CPXM2: variants seen among roughly 807,000 people sequenced by gnomAD.
CPXM2 encodes inactive carboxypeptidase-like protein X2.
CPXM2 carries 66 observed loss-of-function variants against 86.1 expected under a neutral mutation model. That is an observed-to-expected ratio of 0.77 (90% confidence interval 0.63 to 0.94). The LOEUF is 0.94. Ranked by LOEUF, CPXM2 falls within the 40% of genes least tolerant of loss-of-function variation. CPXM2 has a pLI of 0.00. For synonymous variants in CPXM2, 388 were observed against 400.2 expected, an observed-to-expected ratio of 0.97 and a Z score of 0.36; for missense variants, 948 against 1,026.3, an observed-to-expected ratio of 0.92 and a Z score of 1.04.
rs190853785 is a variant in CPXM2 at position 123,828,417 on chromosome 10, G to A, written c.653+13932C>T. On this transcript the variant is annotated intron_variant, in intron 4 of 13. Transcript: ENST00000241305. ...TTCCCATGTGTCATGAGAGGGACCT[G>A]GTGGGACGTAATTGAATCATAGGGG... Among the ~76,000 whole-genome samples the A allele has an allele frequency of 2.4e-3, 369 of 152,284 alleles. 1 individual carries two copies. Among genetic ancestry groups the A allele is most frequent in the African/African-American group, 8.2e-3 (340 of 41,546 alleles).
chr10:123,859,739 C>T (rs943666030), intron 3 of CPXM2, among the ~76,000 whole-genome samples: 11 of 152,348 alleles, frequency 7.2e-5, no homozygotes, highest in African/African-American at 2.2e-4. Flanking sequence ...TCCCCATGCA[C>T]GGCCTCCTTT....
rs1379993891 is a variant in CPXM2, at chr10:123,891,613, A to G, written c.47T>C (p.Leu16Pro). 6.6e-7 allele frequency: 1 copy of G among 1,504,310 alleles called. No individual in the cohort carries two copies. Among genetic ancestry groups the G allele is most frequent in the Admixed American group, 2.2e-5 (1 of 44,548 alleles). 93.2% of individuals were successfully genotyped at this position (1,504,310 alleles called of 1,614,324 possible). ...TCCGACCCCGGCCAGGGTCACTGCC[A>G]GGAGCACCAGGGCCAGCGCTGGGGT... is the stretch of plus-strand genomic sequence containing the variant. ...TATPALALVLLAVTLAGVGAQ... is the reference protein window; with the variant it reads ...TATPALALVLPAVTLAGVGAQ... The change falls in exon 1 of 14, where the codon CTG becomes CCG. Residue 16 changes from leucine to proline, a missense_variant. By Grantham distance (98) the Leu-to-Pro change is moderately conservative. Coordinates refer to ENST00000241305, the MANE Select transcript of CPXM2 (RefSeq NM_198148.3). This position sits in a 1 kb window ranked among gnomAD's most constrained non-coding sequence, Gnocchi z 5.6.
intron 4 of CPXM2, among the ~76,000 whole-genome samples, chr10:123,829,272 GAAAGATA>G (rs1170449433): frequency 1.3e-5 from 2 of 152,148 alleles, no homozygotes; most frequent in Non-Finnish European, 2.9e-5. Context: ...ATTGCTGGTG[GAAAGATA>G]AAGTGAACAG....
At chr10:123,756,431 A>G (rs548220913) in intron 12 of CPXM2, among the ~76,000 whole-genome samples, 5 of 152,256 alleles carry the variant, frequency 3.3e-5, no homozygotes, top group African/African-American at 4.8e-5. Context: ...CAAGGTTCTC[A>G]GCGGAGGCAG....
chr10:123,913,899 G>C lies in CPXM2; in HGVS notation n.174+25578C>G, dbSNP rs141393566. 828 of 422,222 alleles carry C rather than the reference G, an allele frequency of 2.0e-3. 6 individuals are homozygous for C. The highest frequency in any genetic ancestry group is 7.1e-3 in the African/African-American group (350 of 49,482). The allele number at this position is 422,222 out of a possible 1,614,324, so 26.2% of individuals were successfully genotyped here. A position where few individuals can be genotyped will look rare whatever the true frequency, so the allele number is the denominator to read the frequency against. Reference sequence around the variant, plus strand: ...GGCACCCCCCTCCCAGGCTCTGGAAGCTGGAAGCTGCCCACAGCCTATGCA... The same window carrying C: ...GGCACCCCCCTCCCAGGCTCTGGAACCTGGAAGCTGCCCACAGCCTATGCA... On this transcript the variant is annotated intron_variant and non_coding_transcript_variant, in intron 2 of 19. Coordinates refer to the CPXM2 transcript ENST00000368854.
At chr10:123,869,874 C>A (rs1410488536) in intron 2 of CPXM2, among the ~76,000 whole-genome samples, 1 of 152,170 alleles carries the variant, frequency 6.6e-6, no homozygotes, top group Non-Finnish European at 1.5e-5. Flanking sequence ...ATCATGGAGG[C>A]CTTTGTGGCC....
rs376372536 is a variant in CPXM2 at position 123,771,009 on chromosome 10, T to C, written c.1009A>G (p.Asn337Asp). Residue 337 changes from asparagine to aspartate, a missense_variant, in exon 8 of 14, where the codon AAT (asparagine) becomes GAT (aspartate). Asn to Asp is a conservative substitution (Grantham distance 23). Coordinates refer to ENST00000241305, the MANE Select transcript of CPXM2 (RefSeq NM_198148.3). ...CCAATGTTGTAAATTCTGGTGATAT[T>C]GGGACACATTTCATTCACAACTTTC... is the stretch of plus-strand genomic sequence containing the variant. The part of the protein sequence containing the change: ...LMKVVNEMCP[N>D]ITRIYNIGKS... The C allele has an allele frequency of 4.8e-5, 78 of 1,613,364 alleles. No homozygotes were observed. Among genetic ancestry groups the C allele is most frequent in the Non-Finnish European group, 6.4e-5 (75 of 1,179,428 alleles).
chr10:123,897,225 T>C (rs180677252), intron 2 of CPXM2, among the ~76,000 whole-genome samples: 34 of 152,176 alleles, frequency 2.2e-4, no homozygotes, highest in Non-Finnish European at 4.0e-4. Context: ...TCAATATCAC[T>C]GTTTGTCTCC....
At chr10:123,830,981 C>G (rs897463344) in intron 4 of CPXM2, among the ~76,000 whole-genome samples, 1 of 151,632 alleles carries the variant, frequency 6.6e-6, no homozygotes. Context: ...CTCAGTACAG[C>G]CAAATGTGGG....
intron 2 of CPXM2, among the ~76,000 whole-genome samples, chr10:123,912,967 C>A (rs569450065): frequency 6.6e-6 from 1 of 152,230 alleles, no homozygotes; most frequent in Non-Finnish European, 1.5e-5. Context: ...AGCTCATCCA[C>A]ACGGGTAGTT....
At chr10:123,910,384 C>A (rs980070370) in intron 2 of CPXM2, among the ~76,000 whole-genome samples, 1 of 152,154 alleles carries the variant, frequency 6.6e-6, no homozygotes, top group Non-Finnish European at 1.5e-5. Flanking sequence ...GGACAGAACC[C>A]TTTCATGTCC....
At chr10:123,784,694 C>T (rs1815634827) in intron 6 of CPXM2, among the ~76,000 whole-genome samples, 1 of 152,198 alleles carries the variant, frequency 6.6e-6, no homozygotes, top group Non-Finnish European at 1.5e-5. Context: ...CTTAAGAGCT[C>T]ACTCCCTCAC....
chr10:123,752,949 A>T (rs921350758), intron 13 of CPXM2, among the ~76,000 whole-genome samples: 1 of 152,148 alleles, frequency 6.6e-6, no homozygotes, highest in African/African-American at 2.4e-5. Context: ...AGTACACATG[A>T]GCCTCTTACG....
chr10:123,757,408 G>GA, intron 11 of CPXM2, 56 bp from the exon 12 acceptor site: 1 of 1,487,142 alleles, frequency 6.7e-7, no homozygotes, highest in Non-Finnish European at 9.4e-7. Context: ...TGGCACTGGG[G>GA]AATGCGGCAC....
chr10:123,811,324 GT>G (rs1847690982), intron 4 of CPXM2, among the ~76,000 whole-genome samples: 1 of 152,014 alleles, frequency 6.6e-6, no homozygotes, highest in African/African-American at 2.4e-5. Flanking sequence ...ACAGGCCCTG[GT>G]GTGTGATGTT....
intron 2 of CPXM2, among the ~76,000 whole-genome samples, chr10:123,925,652 G>A (rs1174121395): frequency 1.3e-5 from 2 of 152,290 alleles, no homozygotes; most frequent in East Asian, 3.9e-4. Flanking sequence ...ATGAGGTAAA[G>A]CTTGTTATTC....
At chr10:123,804,033 C>T (rs1448392913) in intron 4 of CPXM2, among the ~76,000 whole-genome samples, 1 of 152,102 alleles carries the variant, frequency 6.6e-6, no homozygotes, top group African/African-American at 2.4e-5. Context: ...CCTATTGCAC[C>T]AGAGTGGAAA....
chr10:123,831,711 G>A (rs10218961), intron 4 of CPXM2, among the ~76,000 whole-genome samples: 56,076 of 151,464 alleles, frequency 0.37, 12,809 homozygotes, highest in African/African-American at 0.65. Context: ...CCATAGCCAA[G>A]CCCTTCTCAA....
intron 2 of CPXM2, among the ~76,000 whole-genome samples, chr10:123,906,361 A>G (rs575506690): frequency 2.6e-5 from 4 of 152,204 alleles, no homozygotes; most frequent in Non-Finnish European, 5.9e-5. Context: ...TGCTGAGTCA[A>G]GGCCAGCTCA....
Sources: gnomAD v4.1 joint callset for allele counts (sites outside exome capture counted in the v4.1 genomes callset) on GRCh38, gnomAD v4.1.1 for gene constraint, Gnocchi (gnomAD v3.1) non-coding constraint, MANE v1.5 for transcripts, NCBI Gene and HGNC (gene_info 2026-07-23, HGNC 2026-07-21) for gene names.